The following TRIT1 variants were observed in gnomAD, a reference collection of about 807,000 sequenced individuals.
The protein encoded by TRIT1 is tRNA dimethylallyltransferase.
TRIT1 carries 43 observed loss-of-function variants against 51.2 expected under a neutral mutation model. The observed-to-expected ratio is 0.84, with a 90% CI of 0.66 to 1.08. The LOEUF is 1.08. TRIT1 is among the 50% of genes least tolerant of loss of function. The pLI is 0.00. For synonymous variants in TRIT1, 184 were observed against 203.9 expected, an observed-to-expected ratio of 0.90 and a Z score of 0.83; for missense variants, 528 against 578.4, an observed-to-expected ratio of 0.91 and a Z score of 0.89.
intron 4 of TRIT1, 146 bp downstream of exon 4, chr1:39,852,584 AG>A: frequency 4.3e-6 from 4 of 921,866 alleles, no homozygotes; most frequent in Middle Eastern, 3.5e-4. Flanking sequence ...GCAATAACTC[AG>A]GGCCTCCCAA....
At chr1:39,863,930 T>C (rs920748138) in intron 1 of TRIT1, among the ~76,000 whole-genome samples, 1 of 152,120 alleles carries the variant, frequency 6.6e-6, no homozygotes, top group African/African-American at 2.4e-5. Context: ...CATCTGGCAA[T>C]GTCCAGGCTG....
chr1:39,866,831 A>G (rs1465117317), intron 1 of TRIT1, among the ~76,000 whole-genome samples: 1 of 152,082 alleles, frequency 6.6e-6, no homozygotes, highest in Non-Finnish European at 1.5e-5. Flanking sequence ...AAAAACAAAA[A>G]AACAGTTTTA....
In TRIT1 at chr1:39,841,670, A is replaced by T; in HGVS notation, c.*74T>A. On this transcript the variant is annotated 3_prime_UTR_variant, in exon 11 of 11. Coordinates refer to ENST00000316891, the MANE Select transcript of TRIT1 (RefSeq NM_017646.6). The stretch of plus-strand genomic sequence containing the variant: ...TTCCGCATAGCACTCCTTTGCCCAG[A>T]CTGGGAGACAAACATACCCCTCCCT... 1 of 1,459,956 alleles carries T rather than the reference A, an allele frequency of 6.8e-7. No homozygotes were observed. Among genetic ancestry groups the T allele is most frequent in the Non-Finnish European group, 9.2e-7 (1 of 1,083,070 alleles). The allele number at this position is 1,459,956 out of a possible 1,614,324, so 90.4% of individuals were successfully genotyped here.
At chr1:39,869,387 A>T (rs1643743552) in intron 1 of TRIT1, among the ~76,000 whole-genome samples, 1 of 152,178 alleles carries the variant, frequency 6.6e-6, no homozygotes, top group African/African-American at 2.4e-5. Context: ...TTGCAGACGG[A>T]GTCTTGCTCA....
intron 1 of TRIT1, among the ~76,000 whole-genome samples, chr1:39,870,466 G>A (rs964671943): frequency 3.7e-4 from 51 of 138,496 alleles, no homozygotes; most frequent in African/African-American, 1.4e-3. Context: ...CTATGACCCT[G>A]CCAAATCCCC....
intron 1 of TRIT1, among the ~76,000 whole-genome samples, chr1:39,877,328 T>TAAAA (rs57539376): frequency 1.8e-5 from 2 of 113,086 alleles, no homozygotes; most frequent in African/African-American, 3.3e-5. Context: ...GTGCTTCTAT[T>TAAAA]AAAAAAAAAA....
In TRIT1 at chr1:39,847,661, C is replaced by G; in HGVS notation, c.816-1G>C. The G allele has an allele frequency of 6.2e-7, 1 of 1,614,134 alleles. No homozygotes were observed. The highest frequency in any genetic ancestry group is 1.1e-5 in the South Asian group (1 of 91,078). The stretch of plus-strand genomic sequence containing the variant: ...GAAGATACCATGTTGATAGTCCTGG[C>G]TGGGAACAGGAGGGTATCAGCAGAT... On this transcript the variant is annotated splice_acceptor_variant, in intron 6 of 10. Transcript: ENST00000316891. LOFTEE classifies it high-confidence loss of function.
At chr1:39,883,006 C>T (rs1264597295) in intron 1 of TRIT1, among the ~76,000 whole-genome samples, 1 of 152,164 alleles carries the variant, frequency 6.6e-6, no homozygotes, top group African/African-American at 2.4e-5. Flanking sequence ...GTTCAAATAC[C>T]ATGTCTTCCA....
At chr1:39,845,550 C>T (rs1263795943) in intron 8 of TRIT1, among the ~76,000 whole-genome samples, 1 of 152,258 alleles carries the variant, frequency 6.6e-6, no homozygotes, top group Non-Finnish European at 1.5e-5. Context: ...GACTGGGCTG[C>T]ACCTGCTACC....
chr1:39,873,392 G>A (rs1002301690), intron 1 of TRIT1, among the ~76,000 whole-genome samples: 4 of 152,104 alleles, frequency 2.6e-5, no homozygotes, highest in Non-Finnish European at 5.9e-5. Flanking sequence ...CCCAAATGGA[G>A]AGACATCTAC....
At chr1:39,879,872 CAAAAAAAAAAA>C in intron 1 of TRIT1, among the ~76,000 whole-genome samples, 1 of 49,158 alleles carries the variant, frequency 2.0e-5, no homozygotes, top group African/African-American at 9.0e-5. Flanking sequence ...AACTCCATCT[CAAAAAAAAAAA>C]AAAAAAAAAA....
At chr1:39,843,308 C>T (rs1195939746) in intron 10 of TRIT1, among the ~76,000 whole-genome samples, 2 of 152,178 alleles carry the variant, frequency 1.3e-5, no homozygotes, top group East Asian at 3.9e-4. Flanking sequence ...ACAAGCCCCA[C>T]TGTGCCTGAA....
At position 39,847,612 on chromosome 1, in the gene TRIT1, A is replaced by G; in HGVS notation, c.864T>C (p.Phe288=). Residue 288 remains phenylalanine (F), a synonymous_variant, in exon 7 of 11, where the codon TTT becomes TTC. Transcript: ENST00000316891. ...TTCCCTCAGTGATCAGGTACTCGTG[A>G]AATTCCTTGAAGCCAATTGATTGGA... The part of the protein sequence containing the change: ...GIFQSIGFKE[F]HEYLITEGKC... 1 of 1,614,230 alleles carries G rather than the reference A, an allele frequency of 6.2e-7. No individual in the cohort carries two copies. Among genetic ancestry groups the G allele is most frequent in the Non-Finnish European group, 8.5e-7 (1 of 1,180,044 alleles).
At chr1:39,856,939 T>G (rs1642936594) in intron 2 of TRIT1, among the ~76,000 whole-genome samples, 2 of 152,236 alleles carry the variant, frequency 1.3e-5, no homozygotes, top group Non-Finnish European at 2.9e-5. Context: ...TTGGTGTTCT[T>G]ATCACTAAAA....
In TRIT1 at chr1:39,883,431, G is replaced by T; in HGVS notation, c.61C>A (p.Arg21=). The part of the protein sequence containing the change: ...PVGSGLRGLQ[R]TLPLVVILGA... ...AGAATCACTACAAGAGGTAGGGTCC[G>T]TTGCAGGCCCCTGAGCCCACTGCCC... The change falls in exon 1 of 11, where the codon CGG becomes AGG. Residue 21 remains arginine (R), a synonymous_variant. Transcript: ENST00000316891. The T allele has an allele frequency of 6.2e-7, 1 of 1,613,336 alleles. No individual in the cohort carries two copies. Among genetic ancestry groups the T allele is most frequent in the Non-Finnish European group, 8.5e-7 (1 of 1,179,500 alleles).
intron 3 of TRIT1, 80 bp downstream of exon 3, chr1:39,853,890 T>C: frequency 1.0e-6 from 1 of 978,554 alleles, no homozygotes; most frequent in Non-Finnish European, 1.6e-6. Flanking sequence ...TAGGCAAGAG[T>C]CAACCTTTCT....
intron 1 of TRIT1, among the ~76,000 whole-genome samples, chr1:39,858,377 T>C (rs1300695811): frequency 1.3e-5 from 2 of 152,232 alleles, no homozygotes; most frequent in African/African-American, 4.8e-5. Context: ...CACTTACTAG[T>C]TATTCGTAGT....
intron 1 of TRIT1, among the ~76,000 whole-genome samples, 197 bp downstream of exon 1, chr1:39,883,121 G>C (rs1005341914): frequency 6.6e-6 from 1 of 152,184 alleles, no homozygotes; most frequent in Non-Finnish European, 1.5e-5. Context: ...AACGTCGTGA[G>C]AAGTTGATGA....
chr1:39,869,216 C>G (rs1231853923), intron 1 of TRIT1, among the ~76,000 whole-genome samples: 1 of 152,172 alleles, frequency 6.6e-6, no homozygotes, highest in Non-Finnish European at 1.5e-5. Context: ...GATTCTCCTG[C>G]TTCAGCCTGC....
Sources: allele counts gnomAD v4.1 joint callset (sites outside exome capture counted in the v4.1 genomes callset), GRCh38; gene constraint gnomAD v4.1.1; transcripts MANE v1.5; gene names NCBI Gene and HGNC (gene_info 2026-07-23, HGNC 2026-07-21).